Variants in SLC4A10 observed in about 807,000 individuals in gnomAD.
SLC4A10 encodes sodium-driven chloride bicarbonate exchanger.
In SLC4A10, 42 loss-of-function variants were observed where a neutral mutation model predicts 137.7. The observed-to-expected ratio is 0.30, with a 90% CI of 0.24 to 0.39. The LOEUF is 0.39. Ranked by LOEUF, SLC4A10 falls within the 10% of genes least tolerant of loss-of-function variation. The pLI, the probability that SLC4A10 is intolerant of heterozygous loss-of-function variation, is 1.00. For missense variants in SLC4A10, 925 were observed against 1,355.0 expected, an observed-to-expected ratio of 0.68 and a Z score of 4.98; for synonymous variants, 474 against 464.1, an observed-to-expected ratio of 1.02 and a Z score of -0.27.
At chr2:161,739,998 G>A (rs1275010443) in intron 1 of SLC4A10, among the ~76,000 whole-genome samples, 6 of 152,138 alleles carry the variant, frequency 3.9e-5, no homozygotes, top group Non-Finnish European at 2.9e-5. Flanking sequence ...GCATCCTCTT[G>A]CCTGAGTGTA....
At chr2:161,627,441 G>A (rs574463191) in intron 1 of SLC4A10, among the ~76,000 whole-genome samples, 13 of 152,162 alleles carry the variant, frequency 8.5e-5, no homozygotes, top group African/African-American at 3.1e-4. Context: ...TAGAAAGATA[G>A]GGAAGTGAAA....
At chr2:161,722,175 C>G (rs2045754770) in intron 1 of SLC4A10, among the ~76,000 whole-genome samples, 2 of 152,194 alleles carry the variant, frequency 1.3e-5, no homozygotes, top group African/African-American at 4.8e-5. Flanking sequence ...CTGCAGCCTA[C>G]TTTTGTCAGT....
intron 1 of SLC4A10, among the ~76,000 whole-genome samples, chr2:161,634,388 T>A (rs561672751): frequency 6.6e-6 from 1 of 151,976 alleles, no homozygotes; most frequent in East Asian, 1.9e-4. Context: ...TTTTTTCCCA[T>A]TGAAAAGTCA....
intron 23 of SLC4A10, among the ~76,000 whole-genome samples, chr2:161,973,204 T>TA (rs137856950): frequency 0.013 from 2,006 of 152,286 alleles, 40 homozygotes; most frequent in East Asian, 0.099. Context: ...TTATACATCT[T>TA]AAAATTCCAT....
At chr2:161,893,258 G>A (rs891284735) in intron 10 of SLC4A10, among the ~76,000 whole-genome samples, 4 of 152,116 alleles carry the variant, frequency 2.6e-5, no homozygotes, top group Admixed American at 6.6e-5. Context: ...ACATGTGTGC[G>A]GAGGGGAGGT....
intron 1 of SLC4A10, among the ~76,000 whole-genome samples, chr2:161,641,739 A>T (rs780642135): frequency 2.0e-5 from 3 of 152,042 alleles, no homozygotes; most frequent in Non-Finnish European, 4.4e-5. Flanking sequence ...TAATAAAGGG[A>T]GTTGGAATAT....
intron 1 of SLC4A10, among the ~76,000 whole-genome samples, chr2:161,699,206 G>A (rs1017809241): frequency 6.6e-6 from 1 of 152,042 alleles, no homozygotes; most frequent in African/African-American, 2.4e-5. Flanking sequence ...TTTTTTAGTA[G>A]AGACGGGGTT....
chr2:161,884,870 T>C (rs961646658), intron 10 of SLC4A10, among the ~76,000 whole-genome samples: 1 of 152,198 alleles, frequency 6.6e-6, no homozygotes, highest in Non-Finnish European at 1.5e-5. Flanking sequence ...TCTAATTGCT[T>C]TGAAGGCTAT....
chr2:161,882,277 CT>C, intron 9 of SLC4A10, 79 bp from the exon 10 acceptor site: 1 of 757,756 alleles, frequency 1.3e-6, no homozygotes, highest in Non-Finnish European at 2.0e-6. Flanking sequence ...TCAGTAATTC[CT>C]TTGAGATGAG....
At position 161,964,216 on chromosome 2, in the gene SLC4A10, A is replaced by G. The variant is rs770277093; in HGVS notation, c.2944A>G (p.Lys982Glu). The stretch of plus-strand genomic sequence containing the variant: ...ATACCTAAGGCACGTACCGCTTCGA[A>G]AAGTGCATCTCTTCACAATTATTCA... The part of the protein sequence containing the change: ...FIYLRHVPLR[K>E]VHLFTIIQMS... The change falls in exon 22 of 27, where the codon AAA becomes GAA. Residue 982 changes from lysine (K) to glutamate (E), a missense_variant. Lys to Glu is a moderately conservative substitution (Grantham distance 56). Around this residue, in one of 11 missense-constraint regions of SLC4A10, gnomAD observed 115 missense variants for 237.5 expected, o/e 0.48. Coordinates refer to ENST00000446997, the MANE Select transcript of SLC4A10 (RefSeq NM_001178015.2). 1 of 1,613,610 alleles carries G rather than the reference A, an allele frequency of 6.2e-7. No homozygotes were observed. Among genetic ancestry groups the G allele is most frequent in the Non-Finnish European group, 8.5e-7 (1 of 1,179,646 alleles).
intron 1 of SLC4A10, among the ~76,000 whole-genome samples, chr2:161,696,342 A>C (rs1310200094): frequency 6.7e-6 from 1 of 148,800 alleles, no homozygotes; most frequent in South Asian, 2.1e-4. Flanking sequence ...TTTAGGGTAC[A>C]TGTGCACAAT....
intron 10 of SLC4A10, among the ~76,000 whole-genome samples, chr2:161,890,219 A>G (rs1047825500): frequency 6.6e-6 from 1 of 152,130 alleles, no homozygotes; most frequent in African/African-American, 2.4e-5. Flanking sequence ...TATGTGGTCA[A>G]TTTTAGAATA....
chr2:161,817,054 C>T (rs1193693237), intron 3 of SLC4A10, among the ~76,000 whole-genome samples: 1 of 152,194 alleles, frequency 6.6e-6, no homozygotes, highest in African/African-American at 2.4e-5. Flanking sequence ...GGAATCGCCA[C>T]ACTGACTTTC....
chr2:161,701,169 G>C (rs7578900), intron 1 of SLC4A10, among the ~76,000 whole-genome samples: 141,882 of 152,032 alleles, frequency 0.93, 66,256 homozygotes, highest in East Asian at 1. Context: ...AATTGGTAGT[G>C]TGCCTCCATA....
intron 1 of SLC4A10, among the ~76,000 whole-genome samples, chr2:161,746,581 CT>C (rs1453917603): frequency 7.9e-5 from 12 of 152,226 alleles, no homozygotes; most frequent in African/African-American, 2.9e-4. Flanking sequence ...CTTTATTTTA[CT>C]GTGGCTGAGC....
At chr2:161,740,878 T>C (rs1316081967) in intron 1 of SLC4A10, among the ~76,000 whole-genome samples, 1 of 152,188 alleles carries the variant, frequency 6.6e-6, no homozygotes, top group Non-Finnish European at 1.5e-5. Flanking sequence ...TTAAGATATA[T>C]TAAGATGTTT....
intron 1 of SLC4A10, among the ~76,000 whole-genome samples, chr2:161,737,602 C>G (rs1183818443): frequency 1.3e-5 from 2 of 151,950 alleles, no homozygotes; most frequent in Non-Finnish European, 2.9e-5. Context: ...CTTCATGGGC[C>G]TAATTCAGGA....
At chr2:161,644,638 G>A (rs1447612577) in intron 1 of SLC4A10, among the ~76,000 whole-genome samples, 1 of 152,086 alleles carries the variant, frequency 6.6e-6, no homozygotes, top group Non-Finnish European at 1.5e-5. Context: ...TTTACTTATA[G>A]CAAGGTTTCA....
chr2:161,873,530 C>CA (rs759717096), intron 7 of SLC4A10, among the ~76,000 whole-genome samples: 2,043 of 17,258 alleles, frequency 0.12, 450 homozygotes, highest in East Asian at 0.29. Flanking sequence ...GACCACATCT[C>CA]AAAAAAAAAA....
Sources: allele counts gnomAD v4.1 joint callset (sites outside exome capture counted in the v4.1 genomes callset), GRCh38; gene constraint gnomAD v4.1.1; regional missense constraint gnomAD v4.1.1; transcripts MANE v1.5; gene names NCBI Gene and HGNC (gene_info 2026-07-23, HGNC 2026-07-21).